Variants in CACNA2D4 observed in about 807,000 individuals in gnomAD.
CACNA2D4 encodes calcium voltage-gated channel auxiliary subunit alpha2delta 4, also known as voltage-dependent calcium channel subunit alpha-2/delta-4.
CACNA2D4 carries 157 observed loss-of-function variants against 163.8 expected under a neutral mutation model. The observed-to-expected ratio is 0.96, with a 90% CI of 0.84 to 1.09. CACNA2D4 has a LOEUF of 1.09. CACNA2D4 is among the 50% of genes least tolerant of loss of function. The pLI, the probability that CACNA2D4 is intolerant of heterozygous loss-of-function variation, is 0.00. For missense variants in CACNA2D4, 1,410 were observed against 1,479.9 expected (o/e 0.95, Z 0.78); for synonymous variants, 598 against 586.9 (o/e 1.02, Z -0.27).
At chr12:1,897,641 A>G (rs148583856) in intron 6 of CACNA2D4, among the ~76,000 whole-genome samples, 506 of 152,334 alleles carry the variant, frequency 3.3e-3, no homozygotes, top group African/African-American at 0.012. Flanking sequence ...GCTATAAACT[A>G]TTTTCAACAG....
At position 1,917,779 on chromosome 12, in the gene CACNA2D4, G is replaced by A. The variant is rs1476273397; in HGVS notation, c.227+468C>T. On this transcript the variant is annotated intron_variant, in intron 1 of 37. Coordinates refer to ENST00000382722, the MANE Select transcript of CACNA2D4 (RefSeq NM_172364.5). The surrounding 1 kb of genome is among the most constrained non-coding windows in gnomAD (Gnocchi z 4.3). ...AGTTCCTGGACAAGCCACCTCCTGTGCGCATGAGACGTTCTGTGGGTTCAG... is the reference window on the plus strand; with the variant it reads ...AGTTCCTGGACAAGCCACCTCCTGTACGCATGAGACGTTCTGTGGGTTCAG... 6.6e-6 allele frequency among the ~76,000 whole-genome samples: 1 copy of A among 152,184 alleles called. No individual in the cohort carries two copies. Among genetic ancestry groups the A allele is most frequent in the Admixed American group, 6.5e-5 (1 of 15,280 alleles).
intron 6 of CACNA2D4, among the ~76,000 whole-genome samples, chr12:1,893,034 T>C (rs1413793574): frequency 1.3e-5 from 2 of 152,160 alleles, no homozygotes; most frequent in African/African-American, 4.8e-5. Context: ...CAGACTCCAA[T>C]ACAATAATAG....
At chr12:1,812,213 C>T (rs1337479000) in intron 26 of CACNA2D4, among the ~76,000 whole-genome samples, 1 of 152,190 alleles carries the variant, frequency 6.6e-6, no homozygotes, top group Admixed American at 6.5e-5. Flanking sequence ...CTTTCATACC[C>T]TCTGTCTGCT....
At chr12:1,827,978 A>G (rs1864423007) in intron 26 of CACNA2D4, 2 of 472,910 alleles carry the variant, frequency 4.2e-6, no homozygotes, top group African/African-American at 2.0e-5. Context: ...AGGAGAGGGC[A>G]TGAGGAGTGT....
In CACNA2D4 at chr12:1,860,225, A is replaced by C; in HGVS notation, c.1879-19T>G. 2 of 1,608,246 alleles carry C rather than the reference A, an allele frequency of 1.2e-6. No homozygotes were observed. ...CTCGCTTCTGAAAGAGTAGACAAGG[A>C]AAGAGTGCTCACGCAGAGAAGAGCG... On this transcript the variant is annotated intron_variant, in intron 18 of 37. Transcript: ENST00000382722.
At chr12:1,849,169 T>G (rs1027407852) in intron 23 of CACNA2D4, among the ~76,000 whole-genome samples, 10 of 152,248 alleles carry the variant, frequency 6.6e-5, no homozygotes, top group African/African-American at 2.2e-4. Flanking sequence ...GGGCACTTGC[T>G]GCGGTGGGCC....
intron 29 of CACNA2D4, among the ~76,000 whole-genome samples, chr12:1,809,220 G>A (rs114077763): frequency 8.1e-4 from 123 of 152,284 alleles, no homozygotes; most frequent in African/African-American, 2.9e-3. Flanking sequence ...ATCCGAAGCC[G>A]CATCCCGGTC....
Position 1,891,116 on chromosome 12 carries a change from G to A in CACNA2D4, c.782-4047C>T, listed in dbSNP as rs73036261. Among the ~76,000 whole-genome samples, 452 of 152,288 alleles carry A rather than the reference G, an allele frequency of 3.0e-3. 2 individuals carry two copies. Among genetic ancestry groups the A allele is most frequent in the Non-Finnish European group, 5.5e-3 (377 of 68,020 alleles). ...CTGTCCCCTGAGCAAGCCACCTGGA[G>A]GCCCAAGAATTGGCCTGTCTGGACC... On this transcript the variant is annotated intron_variant, in intron 6 of 37. Transcript: ENST00000382722.
rs1429163203 is a variant in CACNA2D4 at position 1,878,191 on chromosome 12, T to C, written c.1719+124A>G. 3 of 1,071,746 alleles carry C rather than the reference T, an allele frequency of 2.8e-6. No individual in the cohort carries two copies. The highest frequency in any genetic ancestry group is 2.8e-6 in the Non-Finnish European group (2 of 717,194). 66.4% of individuals were successfully genotyped at this position (1,071,746 alleles called of 1,614,324 possible). ...GACCATGACTCGAATACATTTTTTT[T>C]CTCATATTACCCACTGGGTTCCTAA... On this transcript the variant is annotated intron_variant, in intron 16 of 37. Coordinates refer to ENST00000382722, the MANE Select transcript of CACNA2D4 (RefSeq NM_172364.5). This position sits in a 1 kb window ranked among gnomAD's most constrained non-coding sequence, Gnocchi z 4.6.
intron 6 of CACNA2D4, among the ~76,000 whole-genome samples, chr12:1,906,951 A>T (rs1317207404): frequency 6.6e-6 from 1 of 152,252 alleles, no homozygotes; most frequent in Non-Finnish European, 1.5e-5. Context: ...AATGGGAATC[A>T]AAAAGAGGTA....
chr12:1,918,146 G>A (rs1484570618), intron 1 of CACNA2D4, 101 bp downstream of exon 1: 2 of 834,002 alleles, frequency 2.4e-6, no homozygotes, highest in East Asian at 5.3e-5. Flanking sequence ...CCAGAGGGAG[G>A]GCAGGGGCGG....
chr12:1,846,765 G>C, intron 23 of CACNA2D4, 76 bp from the exon 24 acceptor site: 1 of 1,210,954 alleles, frequency 8.3e-7, no homozygotes, highest in South Asian at 1.3e-5. Flanking sequence ...AGGGGTTTGG[G>C]GGCCTCTCCT....
In CACNA2D4 at chr12:1,798,961, G is replaced by A. The variant is rs939587845; in HGVS notation, c.2995+714C>T. The stretch of plus-strand genomic sequence containing the variant: ...CAAGCCAAGGCCAGCAGAAGAGAAC[G>A]AAGAGCAAGCCAGAGAGAGGACCAC... On this transcript the variant is annotated intron_variant, in intron 34 of 37. Transcript: ENST00000382722. The surrounding 1 kb of genome is among the most constrained non-coding windows in gnomAD (Gnocchi z 4.3). Among the ~76,000 whole-genome samples the A allele has an allele frequency of 5.9e-5, 9 of 152,162 alleles. No homozygotes were observed. Among genetic ancestry groups the A allele is most frequent in the African/African-American group, 1.4e-4 (6 of 41,438 alleles).
At chr12:1,866,926 C>T (rs1222434610) in intron 18 of CACNA2D4, among the ~76,000 whole-genome samples, 4 of 152,046 alleles carry the variant, frequency 2.6e-5, no homozygotes, top group Non-Finnish European at 5.9e-5. Flanking sequence ...AGCTACTGCC[C>T]CGGCCTGAAA....
chr12:1,807,815 G>A (rs773383294), intron 29 of CACNA2D4, among the ~76,000 whole-genome samples: 6 of 152,166 alleles, frequency 3.9e-5, no homozygotes, highest in Non-Finnish European at 7.3e-5. Flanking sequence ...CAGTGGGGGA[G>A]CAAGGGTGAG....
intron 6 of CACNA2D4, among the ~76,000 whole-genome samples, chr12:1,891,240 T>A (rs1866273935): frequency 6.6e-6 from 1 of 152,142 alleles, no homozygotes; most frequent in Non-Finnish European, 1.5e-5. Flanking sequence ...TCATCTGGCA[T>A]CCTTGTCCCC....
chr12:1,910,159 A>C (rs1197443481), intron 3 of CACNA2D4, among the ~76,000 whole-genome samples, 194 bp from the exon 4 acceptor site: 1 of 152,260 alleles, frequency 6.6e-6, no homozygotes, highest in Non-Finnish European at 1.5e-5. Context: ...GACAAAAGGC[A>C]CACACATATG....
Position 1,844,464 on chromosome 12 carries a change from CG to C in CACNA2D4, c.2407del (p.Arg803AlafsTer30), listed in dbSNP as rs767255782. 225 of 1,613,226 alleles carry C rather than the reference CG, an allele frequency of 1.4e-4. No individual in the cohort carries two copies. Among genetic ancestry groups the C allele is most frequent in the Non-Finnish European group, 1.8e-4 (214 of 1,179,708 alleles). On this transcript the variant is annotated frameshift_variant, in exon 25 of 38. Coordinates refer to ENST00000382722, the MANE Select transcript of CACNA2D4 (RefSeq NM_172364.5). LOFTEE classifies it high-confidence loss of function. The surrounding 1 kb of genome is among the most constrained non-coding windows in gnomAD (Gnocchi z 4.2). ...FTLDRFPLWYRQASEHPAGSF... is the reference protein window; with the variant it reads ...FTLDRFPLWYXQASEHPAGSF... ...GCCAGCAGGATGCTCTGAGGCCTGG[CG>C]GTACCACAGCGGGAAGCGGTCCAGG...
At chr12:1,849,137 G>T (rs1402919383) in intron 23 of CACNA2D4, among the ~76,000 whole-genome samples, 1 of 152,152 alleles carries the variant, frequency 6.6e-6, no homozygotes, top group East Asian at 1.9e-4. Context: ...GACTGACATT[G>T]AAAGTCCGAA....
Sources: gnomAD v4.1 joint callset for allele counts (sites outside exome capture counted in the v4.1 genomes callset) on GRCh38, gnomAD v4.1.1 for gene constraint, Gnocchi (gnomAD v3.1) non-coding constraint, MANE v1.5 for transcripts, NCBI Gene and HGNC (gene_info 2026-07-23, HGNC 2026-07-21) for gene names.